The following RPGRIP1 variants were observed in gnomAD, a reference collection of about 807,000 sequenced individuals.
RPGRIP1 encodes X-linked retinitis pigmentosa GTPase regulator-interacting protein 1.
A neutral mutation model predicts 157.9 loss-of-function variants in RPGRIP1; 128 were observed. That is an observed-to-expected ratio of 0.81 (90% CI 0.70 to 0.94). The LOEUF (loss-of-function observed/expected upper bound fraction) is 0.94. Among genes scored for constraint, RPGRIP1 ranks in the 40% least tolerant of loss-of-function variants. RPGRIP1 has a pLI of 0.00. For synonymous variants in RPGRIP1, 554 were observed against 571.6 expected (o/e 0.97, Z 0.44); for missense variants, 1,486 against 1,545.8 (o/e 0.96, Z 0.65).
intron 8 of RPGRIP1, among the ~76,000 whole-genome samples, chr14:21,311,089 C>T (rs1881522421): frequency 6.6e-6 from 1 of 152,188 alleles, no homozygotes; most frequent in African/African-American, 2.4e-5. Context: ...TGTGCCTCAC[C>T]AGAGGAGTCC....
At chr14:21,325,446 G>A in intron 16 of RPGRIP1, 63 bp downstream of exon 16, 2 of 1,454,906 alleles carry the variant, frequency 1.4e-6, no homozygotes, top group East Asian at 4.9e-5. Flanking sequence ...CATGAGCACA[G>A]TTCAGTCTTC....
intron 23 of RPGRIP1, among the ~76,000 whole-genome samples, chr14:21,346,466 C>A (rs901285517): frequency 6.6e-6 from 1 of 152,086 alleles, no homozygotes; most frequent in Non-Finnish European, 1.5e-5. Flanking sequence ...GCATGAGAAT[C>A]ATTTGAATTT....
intron 21 of RPGRIP1, among the ~76,000 whole-genome samples, chr14:21,338,002 C>T (rs1480149200): frequency 2.6e-5 from 4 of 152,044 alleles, no homozygotes; most frequent in South Asian, 2.1e-4. Context: ...CTGCAACCTC[C>T]GCCCCCCAGG....
intron 10 of RPGRIP1, among the ~76,000 whole-genome samples, chr14:21,316,764 A>G (rs779068148): frequency 4.6e-5 from 7 of 152,208 alleles, no homozygotes; most frequent in Non-Finnish European, 8.8e-5. Flanking sequence ...AATAAGAAAT[A>G]AGACATAAAA....
chr14:21,332,450 TG>T (rs1566353713), intron 20 of RPGRIP1, among the ~76,000 whole-genome samples: 1 of 152,200 alleles, frequency 6.6e-6, no homozygotes, highest in Non-Finnish European at 1.5e-5. Context: ...CAAGAAATCC[TG>T]GTTATAAGAG....
rs188312873 is a variant in RPGRIP1, at chr14:21,343,157, C to T, written c.3461C>T (p.Ser1154Leu). 33 of 1,613,636 alleles carry T rather than the reference C, an allele frequency of 2.0e-5. No individual in the cohort carries two copies. Among genetic ancestry groups the T allele is most frequent in the East Asian group, 1.1e-4 (5 of 44,878 alleles). ...VEYKFYDLPL[S>L]ETETPVSLRK... The stretch of plus-strand genomic sequence containing the variant: ...TACAAATTCTACGACCTACCCTTGT[C>T]GGAGACAGAGACTCCAGTGTCCCTA... The change falls in exon 22 of 25, where the codon TCG (serine) becomes TTG (leucine). Residue 1154 changes from serine (S) to leucine (L), a missense_variant. Coordinates refer to ENST00000400017, the MANE Select transcript of RPGRIP1 (RefSeq NM_020366.4).
rs1883093710 is a variant in RPGRIP1, at chr14:21,326,247, T to G, written c.2710+74T>G. 5 of 984,820 alleles carry G rather than the reference T, an allele frequency of 5.1e-6. No homozygotes were observed. The South Asian group carries it at 9.0e-5, about 18-fold the overall frequency. 61.0% of individuals were successfully genotyped at this position (984,820 alleles called of 1,614,324 possible). On this transcript the variant is annotated intron_variant, in intron 17 of 24. Transcript: ENST00000400017. ...CTCCCTGTCCTGATTCTACTTTTCT[T>G]TGATTACTTGCTTGAAACAGTCTCT...
At position 21,294,868 on chromosome 14, in the gene RPGRIP1, G is replaced by A. The variant is rs566585402; in HGVS notation, c.218+59G>A. ...TTTTTTTTTTTTTTTTTTTTGAGACGGAGCCTTGCTCTGTTGCCCAGGCTG... is the reference window on the plus strand; with the variant it reads ...TTTTTTTTTTTTTTTTTTTTGAGACAGAGCCTTGCTCTGTTGCCCAGGCTG... On this transcript the variant is annotated intron_variant, in intron 3 of 24. Transcript: ENST00000400017. 5.8e-5 allele frequency: 60 copies of A among 1,039,166 alleles called. 1 individual carries two copies. Among genetic ancestry groups the A allele is most frequent in the East Asian group, 1.5e-4 (4 of 27,044 alleles). 64.4% of individuals were successfully genotyped at this position (1,039,166 alleles called of 1,614,324 possible).
chr14:21,321,777 T>A lies in RPGRIP1; in HGVS notation c.1612-77T>A, dbSNP rs997106521. On this transcript the variant is annotated intron_variant, in intron 13 of 24. Coordinates refer to ENST00000400017, the MANE Select transcript of RPGRIP1 (RefSeq NM_020366.4). ...GCTAAGGATAGCAGTCTTCTTGACC[T>A]AGCCAGTGCCACATTTTTTATGCTC... is the stretch of plus-strand genomic sequence containing the variant. 17 of 1,426,870 alleles carry A rather than the reference T, an allele frequency of 1.2e-5. No homozygotes were observed. In the East Asian group the frequency reaches 1.8e-4, roughly 15 times the overall value. The allele number at this position is 1,426,870 out of a possible 1,614,324, so 88.4% of individuals were successfully genotyped here.
chr14:21,308,387 A>T (rs933735019), intron 7 of RPGRIP1, among the ~76,000 whole-genome samples: 1 of 152,204 alleles, frequency 6.6e-6, no homozygotes, highest in Non-Finnish European at 1.5e-5. Context: ...ACAAATATTT[A>T]TCCAGTACCA....
intron 2 of RPGRIP1, among the ~76,000 whole-genome samples, chr14:21,288,927 A>C (rs1349663311): frequency 6.6e-6 from 1 of 152,218 alleles, no homozygotes; most frequent in African/African-American, 2.4e-5. Context: ...GGTTTCACTC[A>C]TCTATCCTTG....
At chr14:21,343,593 C>T (rs190755560) in intron 22 of RPGRIP1, among the ~76,000 whole-genome samples, 5 of 152,208 alleles carry the variant, frequency 3.3e-5, no homozygotes, top group East Asian at 1.9e-4. Context: ...GAGATTCAAG[C>T]GATTCACGTG....
chr14:21,321,237 A>T (rs1266583979), intron 12 of RPGRIP1, 22 bp from the exon 13 acceptor site: 1 of 1,605,048 alleles, frequency 6.2e-7, no homozygotes, highest in East Asian at 2.2e-5. Context: ...ACTCCCTTTT[A>T]CCAATGCGTT....
At chr14:21,324,591 G>T in intron 14 of RPGRIP1, 27 bp from the exon 15 acceptor site, 2 of 1,592,586 alleles carry the variant, frequency 1.3e-6, no homozygotes, top group South Asian at 1.1e-5. Context: ...ACCCTTTAAC[G>T]GATAGGCAGC....
chr14:21,280,801 A>C (rs757732767), intron 1 of RPGRIP1, among the ~76,000 whole-genome samples: 2 of 151,962 alleles, frequency 1.3e-5, no homozygotes, highest in African/African-American at 2.4e-5. Context: ...CAATTTCCAA[A>C]TCACTAATAG....
chr14:21,289,307 G>A (rs989928919), intron 2 of RPGRIP1, among the ~76,000 whole-genome samples: 14 of 151,934 alleles, frequency 9.2e-5, no homozygotes, highest in East Asian at 1.9e-4. Context: ...CAGCCTAGGC[G>A]ACAGAGCGAG....
In RPGRIP1 at chr14:21,288,802, C is replaced by T. The variant is rs115943088; in HGVS notation, c.85+741C>T. ...GTGCTGGATTACAGGCGTGAGCCAC[C>T]GTGCCCAGACTTAGTCTTAAATTCT... On this transcript the variant is annotated intron_variant, in intron 2 of 24. Coordinates refer to ENST00000400017, the MANE Select transcript of RPGRIP1 (RefSeq NM_020366.4). Among the ~76,000 whole-genome samples, 850 of 152,140 alleles carry T rather than the reference C, an allele frequency of 5.6e-3. 8 individuals are homozygous for T. Among genetic ancestry groups the T allele is most frequent in the African/African-American group, 0.018 (760 of 41,526 alleles).
intron 2 of RPGRIP1, 68 bp from the exon 3 acceptor site, chr14:21,294,609 G>A (rs1880683099): frequency 2.1e-6 from 3 of 1,437,314 alleles, no homozygotes; most frequent in East Asian, 2.3e-5. Context: ...AAGATGTGAT[G>A]AGACATCTAA....
At chr14:21,323,186 A>G (rs1222291313) in intron 14 of RPGRIP1, among the ~76,000 whole-genome samples, 1 of 151,996 alleles carries the variant, frequency 6.6e-6, no homozygotes, top group East Asian at 1.9e-4. Context: ...CTTTGGGAGG[A>G]CGAGGCGGGC....
Sources: gnomAD v4.1 joint callset for allele counts (sites outside exome capture counted in the v4.1 genomes callset) on GRCh38, gnomAD v4.1.1 for gene constraint, MANE v1.5 for transcripts, NCBI Gene and HGNC (gene_info 2026-07-23, HGNC 2026-07-21) for gene names.